WLS: variants seen among roughly 807,000 people sequenced by gnomAD.
WLS encodes Wnt ligand secretion mediator.
WLS carries 23 observed loss-of-function variants against 62.8 expected under a neutral mutation model. The ratio of observed to expected loss-of-function variants is 0.37; its 90% CI spans 0.26 to 0.52. WLS has a LOEUF of 0.52. Among genes scored for constraint, WLS ranks in the 20% least tolerant of loss-of-function variants. WLS has a pLI of 0.92. For missense variants in WLS, 615 were observed against 697.3 expected, an observed-to-expected ratio of 0.88 and a Z score of 1.33; for synonymous variants, 246 against 244.1, an observed-to-expected ratio of 1.01 and a Z score of -0.07.
chr1:68,098,630 A>C (rs779951950), exon 12 of WLS: 1 of 1,613,608 alleles, frequency 6.2e-7, no homozygotes, highest in Non-Finnish European at 8.5e-7. Context: ...TGCCTTGTTG[A>C]CTCAAATACC....
At chr1:68,111,513 G>A (rs534483316) in intron 11 of WLS, among the ~76,000 whole-genome samples, 3 of 152,302 alleles carry the variant, frequency 2.0e-5, no homozygotes, top group South Asian at 2.1e-4. Flanking sequence ...ACACGGAGGA[G>A]GGATTTTTTT....
rs150393210 is a variant in WLS, at chr1:68,168,943, C to A, written c.380-9696G>T. Among the ~76,000 whole-genome samples, 616 of 152,330 alleles carry A rather than the reference C, an allele frequency of 4.0e-3. 13 individuals carry two copies. The highest frequency in any genetic ancestry group is 0.014 in the African/African-American group (574 of 41,570). On this transcript the variant is annotated intron_variant, in intron 2 of 11. Coordinates refer to ENST00000262348, the MANE Select transcript of WLS (RefSeq NM_024911.7). ...TGGCAAAAATGGACTCAGCTAATTA[C>A]AAATTTGGCCCTGGCGGTTTTCTTA...
intron 1 of WLS, among the ~76,000 whole-genome samples, chr1:68,229,958 TGTC>T (rs1448264026): frequency 6.6e-6 from 1 of 152,238 alleles, no homozygotes; most frequent in African/African-American, 2.4e-5. Flanking sequence ...TTTTTGAGGT[TGTC>T]GTCATTAACC....
intron 2 of WLS, among the ~76,000 whole-genome samples, chr1:68,167,676 CATACCT>C (rs940772500): frequency 1.4e-4 from 21 of 152,176 alleles, no homozygotes; most frequent in African/African-American, 5.1e-4. Flanking sequence ...CATGGTTTTC[CATACCT>C]ATACTATACC....
At chr1:68,224,403 C>G (rs1380469855) in intron 1 of WLS, among the ~76,000 whole-genome samples, 1 of 152,110 alleles carries the variant, frequency 6.6e-6, no homozygotes, top group Non-Finnish European at 1.5e-5. Flanking sequence ...TATATTCTAC[C>G]CCCATCTTCC....
At chr1:68,199,462 G>A (rs1648875272) in intron 1 of WLS, among the ~76,000 whole-genome samples, 1 of 152,186 alleles carries the variant, frequency 6.6e-6, no homozygotes, top group Admixed American at 6.5e-5. Flanking sequence ...ATGGGGGATG[G>A]CCAAGGAGGG....
chr1:68,153,420 C>T (rs150582793), intron 5 of WLS, 97 bp downstream of exon 5: 247 of 1,544,358 alleles, frequency 1.6e-4, no homozygotes, highest in Middle Eastern at 1.5e-3. Context: ...GCCTAAGTCA[C>T]ACACTGGCTG....
intron 2 of WLS, among the ~76,000 whole-genome samples, chr1:68,179,710 T>C (rs575342506): frequency 6.6e-6 from 1 of 152,292 alleles, no homozygotes; most frequent in Non-Finnish European, 1.5e-5. Flanking sequence ...TCAACTCTTA[T>C]AGTCTATTGT....
At chr1:68,162,446 C>T in intron 2 of WLS, 1 of 1,613,924 alleles carries the variant, frequency 6.2e-7, no homozygotes, top group South Asian at 1.1e-5. Context: ...CGCTCGATCC[C>T]ATCCTGCAAG....
intron 2 of WLS, among the ~76,000 whole-genome samples, chr1:68,180,976 C>T (rs1647533785): frequency 6.6e-6 from 1 of 152,194 alleles, no homozygotes. Flanking sequence ...CTGTTTCTAG[C>T]ATCAGTGTGT....
intron 11 of WLS, among the ~76,000 whole-genome samples, chr1:68,133,835 T>A (rs1352272325): frequency 6.6e-6 from 1 of 152,102 alleles, no homozygotes; most frequent in African/African-American, 2.4e-5. Context: ...CCAAACAACC[T>A]CCATCAAAGA....
At chr1:68,170,616 T>C (rs1427013997) in intron 2 of WLS, among the ~76,000 whole-genome samples, 2 of 152,120 alleles carry the variant, frequency 1.3e-5, no homozygotes, top group African/African-American at 4.8e-5. Context: ...AGACAGTGCT[T>C]GGCATCCCCG....
intron 11 of WLS, among the ~76,000 whole-genome samples, chr1:68,133,173 ACACT>A (rs1187906111): frequency 2.3e-4 from 35 of 152,340 alleles, no homozygotes; most frequent in African/African-American, 7.9e-4. Flanking sequence ...GTGTGTGTGT[ACACT>A]CAGACACATA....
At chr1:68,175,407 T>C (rs1251922522) in intron 2 of WLS, among the ~76,000 whole-genome samples, 2 of 152,208 alleles carry the variant, frequency 1.3e-5, no homozygotes, top group South Asian at 2.1e-4. Context: ...TTTCCCCTTA[T>C]GTCTCTCAGT....
chr1:68,103,812 C>T (rs1289934823), intron 11 of WLS, among the ~76,000 whole-genome samples: 1 of 152,184 alleles, frequency 6.6e-6, no homozygotes, highest in Non-Finnish European at 1.5e-5. Context: ...GCTGCTTGGG[C>T]ACTGCCAAAA....
At chr1:68,229,887 T>C (rs535346881) in intron 1 of WLS, among the ~76,000 whole-genome samples, 3 of 152,244 alleles carry the variant, frequency 2.0e-5, no homozygotes, top group Admixed American at 6.5e-5. Context: ...TTCAAGGAAA[T>C]TGGAATAAAG....
Position 68,159,173 on chromosome 1 carries a change from C to A in WLS, c.454G>T (p.Ala152Ser). The change falls in exon 3 of 12, where the codon GCC becomes TCC. Residue 152 changes from alanine (A) to serine (S), a missense_variant. Physicochemically the swap from Ala to Ser is moderately conservative, Grantham distance 99. Transcript: ENST00000262348. The part of the protein sequence containing the change: ...DDAFAEWTEM[A>S]HERVPRKLKC... The stretch of plus-strand genomic sequence containing the variant: ...AGTTTCCGTGGTACTCTTTCATGGG[C>A]CATTTCAGTCCACTCAGCAAACGCG... 1 of 1,614,064 alleles carries A rather than the reference C, an allele frequency of 6.2e-7. No homozygotes were observed. The highest frequency in any genetic ancestry group is 8.5e-7 in the Non-Finnish European group (1 of 1,179,990).
chr1:68,117,027 C>CA (rs376457389), intron 11 of WLS, among the ~76,000 whole-genome samples: 204 of 152,268 alleles, frequency 1.3e-3, no homozygotes, highest in African/African-American at 4.7e-3. Context: ...ATTCAACTCA[C>CA]AAAAAATCTT....
chr1:68,106,460 G>C (rs936621084), intron 11 of WLS, among the ~76,000 whole-genome samples: 3 of 152,156 alleles, frequency 2.0e-5, no homozygotes, highest in Non-Finnish European at 2.9e-5. Flanking sequence ...AGCATCTCTG[G>C]GACACCAGAC....
Sources: gnomAD v4.1 joint callset for allele counts (sites outside exome capture counted in the v4.1 genomes callset) on GRCh38, gnomAD v4.1.1 for gene constraint, MANE v1.5 for transcripts, NCBI Gene and HGNC (gene_info 2026-07-23, HGNC 2026-07-21) for gene names.